HMCN1: variants seen among roughly 807,000 people sequenced by gnomAD.
The protein encoded by HMCN1 is hemicentin 1.
A neutral mutation model predicts 625.9 loss-of-function variants in HMCN1; 321 were observed. The observed-to-expected ratio is 0.51, with a 90% CI of 0.47 to 0.56. The LOEUF (loss-of-function observed/expected upper bound fraction) is 0.56. HMCN1 is among the 20% of genes least tolerant of loss of function. HMCN1 has a pLI of 0.00. For synonymous variants in HMCN1, 2,425 were observed against 2,417.6 expected (o/e 1.00, Z -0.09); for missense variants, 6,588 against 6,887.3 (o/e 0.96, Z 1.54).
At chr1:185,863,364 A>G (rs1228044660) in intron 2 of HMCN1, among the ~76,000 whole-genome samples, 2 of 152,106 alleles carry the variant, frequency 1.3e-5, no homozygotes, top group African/African-American at 4.8e-5. Flanking sequence ...TGCTCAAATT[A>G]TATTGATCAA....
intron 11 of HMCN1, among the ~76,000 whole-genome samples, chr1:185,944,582 T>G (rs1668243397): frequency 6.6e-6 from 1 of 152,238 alleles, no homozygotes; most frequent in Non-Finnish European, 1.5e-5. Flanking sequence ...TCCTCCTTTC[T>G]CTAGAGCTTT....
intron 4 of HMCN1, among the ~76,000 whole-genome samples, chr1:185,875,262 T>G (rs1319628820): frequency 2.6e-5 from 4 of 151,996 alleles, no homozygotes; most frequent in African/African-American, 9.7e-5. Context: ...GTTTTTAAAA[T>G]AAAGGAAAAT....
Position 185,889,646 on chromosome 1 carries a change from C to T in HMCN1, c.622-19691C>T, listed in dbSNP as rs1244104890. On this transcript the variant is annotated intron_variant, in intron 4 of 106. Coordinates refer to ENST00000271588, the MANE Select transcript of HMCN1 (RefSeq NM_031935.3). The stretch of plus-strand genomic sequence containing the variant: ...TGTGTATATTGAACCAGCCTTGCAT[C>T]CCAGGGATGAAGCCCACTTGATCAT... Among the ~76,000 whole-genome samples the T allele has an allele frequency of 3.6e-5, 5 of 138,116 alleles. No homozygotes were observed. In the East Asian group the frequency reaches 9.8e-4, roughly 27 times the overall value. The allele number at this position is 138,116 out of a possible 152,430, so 90.6% of individuals were successfully genotyped here.
Position 185,950,851 on chromosome 1 carries a change from T to C in HMCN1, c.1829-11667T>C, listed in dbSNP as rs865941875. 1.8e-3 allele frequency among the ~76,000 whole-genome samples: 252 copies of C among 143,336 alleles called. 1 individual carries two copies. The highest frequency in any genetic ancestry group is 4.4e-3 in the African/African-American group (167 of 37,712). The allele number at this position is 143,336 out of a possible 152,430, so 94.0% of individuals were successfully genotyped here. ...AGGAGAGTATATGGGTTTGGCACCA[T>C]GGGGTGGATAGGCAAAACAATTTGG... On this transcript the variant is annotated intron_variant, in intron 11 of 106. Coordinates refer to ENST00000271588, the MANE Select transcript of HMCN1 (RefSeq NM_031935.3).
chr1:185,923,190 A>G (rs1302940066), intron 7 of HMCN1, among the ~76,000 whole-genome samples, 200 bp from the exon 8 acceptor site: 1 of 152,220 alleles, frequency 6.6e-6, no homozygotes, highest in South Asian at 2.1e-4. Flanking sequence ...TTAAAATACT[A>G]TAAAAGTTAT....
chr1:185,773,344 A>G (rs535720202), intron 1 of HMCN1, among the ~76,000 whole-genome samples: 3 of 152,340 alleles, frequency 2.0e-5, no homozygotes, highest in African/African-American at 7.2e-5. Flanking sequence ...ATCTAAGCTA[A>G]CTATGGTAAT....
At chr1:185,831,714 T>A (rs1228915997) in intron 1 of HMCN1, among the ~76,000 whole-genome samples, 1 of 151,698 alleles carries the variant, frequency 6.6e-6, no homozygotes, top group Admixed American at 6.6e-5. Flanking sequence ...ATACAACCAT[T>A]CAGAACGTAT....
At chr1:185,965,418 T>C (rs1650335790) in intron 13 of HMCN1, among the ~76,000 whole-genome samples, 1 of 152,108 alleles carries the variant, frequency 6.6e-6, no homozygotes, top group South Asian at 2.1e-4. Context: ...CTTTTGACTA[T>C]ATTTTTCTTA....
Position 186,163,754 on chromosome 1 carries a change from A to G in HMCN1, c.15257-1357A>G, listed in dbSNP as rs1292461127. ...GAAAGTCTTGCAAGGCAAGGGACAA[A>G]TCATCATCTTGCAAGACTGTCTCAT... On this transcript the variant is annotated intron_variant, in intron 97 of 106. Coordinates refer to ENST00000271588, the MANE Select transcript of HMCN1 (RefSeq NM_031935.3). 3.3e-5 allele frequency among the ~76,000 whole-genome samples: 5 copies of G among 152,194 alleles called. No homozygotes were observed. In the East Asian group the frequency reaches 9.6e-4, roughly 29 times the overall value.
chr1:186,137,862 G>A lies in HMCN1; in HGVS notation c.13814G>A (p.Gly4605Asp). The change falls in exon 89 of 107, where the codon GGC becomes GAC. Residue 4605 changes from glycine to aspartate, a missense_variant. Physicochemically the swap from Gly to Asp is moderately conservative, Grantham distance 94 (BLOSUM62 -1). Around this residue, in one of 3 missense-constraint regions of HMCN1, gnomAD observed 1,954 missense variants for 2,013.1 expected, o/e 0.97. Coordinates refer to ENST00000271588, the MANE Select transcript of HMCN1 (RefSeq NM_031935.3). ...GAATGCACAAGGAGCTGTGGACGCG[G>A]CAACCAAACCAGGACCAGGACTTGC... is the stretch of plus-strand genomic sequence containing the variant. ...WEECTRSCGR[G>D]NQTRTRTCNN... is the part of the protein sequence containing the mutation. 1 of 1,614,070 alleles carries A rather than the reference G, an allele frequency of 6.2e-7. No homozygotes were observed. Among genetic ancestry groups the A allele is most frequent in the South Asian group, 1.1e-5 (1 of 91,082 alleles).
At chr1:186,014,754 A>C (rs1654246284) in intron 30 of HMCN1, among the ~76,000 whole-genome samples, 1 of 152,036 alleles carries the variant, frequency 6.6e-6, no homozygotes, top group Non-Finnish European at 1.5e-5. Context: ...AAACACTTAG[A>C]CCTTTAGTAT....
intron 13 of HMCN1, among the ~76,000 whole-genome samples, chr1:185,964,982 A>T (rs1188803414): frequency 6.6e-6 from 1 of 152,142 alleles, no homozygotes; most frequent in African/African-American, 2.4e-5. Context: ...ATAATTTTTG[A>T]AAGAGAGTCT....
intron 95 of HMCN1, 141 bp from the exon 96 acceptor site, chr1:186,152,609 G>A: frequency 2.1e-6 from 2 of 942,132 alleles, no homozygotes; most frequent in East Asian, 2.5e-5. Context: ...GAGGTTAAGT[G>A]CTATTTCAGT....
Position 186,048,278 on chromosome 1 carries a change from A to G in HMCN1, c.6481-465A>G, listed in dbSNP as rs576647830. On this transcript the variant is annotated intron_variant, in intron 41 of 106. Coordinates refer to ENST00000271588, the MANE Select transcript of HMCN1 (RefSeq NM_031935.3). The stretch of plus-strand genomic sequence containing the variant: ...TCATCTGCCAAGCACCAAACTGGGT[A>G]GTAGAAGAATGAGGCTAATGTAATA... 8.5e-5 allele frequency among the ~76,000 whole-genome samples: 13 copies of G among 152,272 alleles called. No individual in the cohort carries two copies. The East Asian group carries it at 2.5e-3, about 29-fold the overall frequency.
At chr1:186,121,241 A>T (rs1455666012) in intron 80 of HMCN1, among the ~76,000 whole-genome samples, 1 of 152,192 alleles carries the variant, frequency 6.6e-6, no homozygotes, top group African/African-American at 2.4e-5. Flanking sequence ...GGATGGCATG[A>T]TGTACCCTAA....
In HMCN1 at chr1:186,145,593, G is replaced by C. The variant is rs1488204837; in HGVS notation, c.14437+20G>C. On this transcript the variant is annotated intron_variant, in intron 92 of 106. Transcript: ENST00000271588. ...GTCCTGGTGAGCCTCTTGATTTCTG[G>C]CAGTTGAATAAGTAAAGCATTTCAT... 3.1e-6 allele frequency: 5 copies of C among 1,613,092 alleles called. No individual in the cohort carries two copies. The highest frequency in any genetic ancestry group is 3.4e-6 in the Non-Finnish European group (4 of 1,179,544).
At chr1:186,157,991 T>A (rs1055422652) in intron 97 of HMCN1, among the ~76,000 whole-genome samples, 7 of 151,778 alleles carry the variant, frequency 4.6e-5, no homozygotes, top group African/African-American at 1.7e-4. Context: ...GTATTTCTAG[T>A]TCTAGATCCC....
chr1:185,863,452 A>G (rs1208336094), intron 2 of HMCN1, among the ~76,000 whole-genome samples: 1 of 152,218 alleles, frequency 6.6e-6, no homozygotes, highest in African/African-American at 2.4e-5. Context: ...TGGAGAAGTA[A>G]AATTTGAAAG....
At chr1:186,125,095 A>G (rs1363185259) in intron 81 of HMCN1, among the ~76,000 whole-genome samples, 1 of 152,114 alleles carries the variant, frequency 6.6e-6, no homozygotes, top group Non-Finnish European at 1.5e-5. Context: ...GTTTACTTGT[A>G]TTCATTGTAA....
Sources: gnomAD v4.1 joint callset for allele counts (sites outside exome capture counted in the v4.1 genomes callset) on GRCh38, gnomAD v4.1.1 for gene constraint, gnomAD v4.1.1 regional missense constraint, MANE v1.5 for transcripts, NCBI Gene and HGNC (gene_info 2026-07-23, HGNC 2026-07-21) for gene names.